Variants in PPP1R9A observed in about 807,000 individuals in gnomAD.
PPP1R9A encodes neurabin-1.
A neutral mutation model predicts 141.9 loss-of-function variants in PPP1R9A; 59 were observed. The ratio of observed to expected loss-of-function variants is 0.42; its 90% confidence interval spans 0.34 to 0.52. The LOEUF (loss-of-function observed/expected upper bound fraction) is 0.52, where lower values mean the gene tolerates loss of function less well. Among genes scored for constraint, PPP1R9A ranks in the 20% least tolerant of loss-of-function variants. The probability of loss-of-function intolerance (pLI) is 0.10; values close to 1 mark genes in which losing one functional copy is unlikely to be tolerated. For synonymous variants in PPP1R9A, 500 were observed against 569.7 expected, an observed-to-expected ratio of 0.88 and a Z score of 1.74; for missense variants, 1,444 against 1,611.9, an observed-to-expected ratio of 0.90 and a Z score of 1.78.
chr7:95,054,628 G>A (rs1811265919), intron 2 of PPP1R9A, among the ~76,000 whole-genome samples: 1 of 151,962 alleles, frequency 6.6e-6, no homozygotes. Flanking sequence ...ATGCGTCCTG[G>A]CTCCCTGGTC....
At chr7:95,092,345 G>A (rs549357227) in intron 2 of PPP1R9A, among the ~76,000 whole-genome samples, 3 of 109,950 alleles carry the variant, frequency 2.7e-5, no homozygotes, top group East Asian at 2.0e-4. Context: ...TATACTACAC[G>A]CTTTTTTTTT....
At chr7:94,970,519 A>G (rs1266978897) in intron 2 of PPP1R9A, among the ~76,000 whole-genome samples, 1 of 152,046 alleles carries the variant, frequency 6.6e-6, no homozygotes, top group Non-Finnish European at 1.5e-5. Context: ...ACCAGTCCCA[A>G]TGAGATGAGC....
chr7:95,116,400 C>T (rs1821524615), intron 3 of PPP1R9A, among the ~76,000 whole-genome samples: 2 of 151,694 alleles, frequency 1.3e-5, no homozygotes, highest in Admixed American at 1.3e-4. Flanking sequence ...AGGTTACATT[C>T]AAGATATGTA....
chr7:94,980,886 A>G (rs1044661843), intron 2 of PPP1R9A, among the ~76,000 whole-genome samples: 1 of 152,164 alleles, frequency 6.6e-6, no homozygotes, highest in Non-Finnish European at 1.5e-5. Context: ...AGAGTCATAT[A>G]TTTGTATAAC....
intron 4 of PPP1R9A, among the ~76,000 whole-genome samples, chr7:95,132,746 C>T (rs1355086217): frequency 6.6e-6 from 1 of 152,136 alleles, no homozygotes; most frequent in Non-Finnish European, 1.5e-5. Flanking sequence ...GCTGCACCCG[C>T]CACAGGATCC....
chr7:95,273,980 A>G lies in PPP1R9A; in HGVS notation c.3206A>G (p.Asp1069Gly), dbSNP rs760564657. The G allele has an allele frequency of 2.7e-6, 4 of 1,504,132 alleles. No homozygotes were observed. Among genetic ancestry groups the G allele is most frequent in the African/African-American group, 2.8e-5 (2 of 72,714 alleles). 93.2% of individuals were successfully genotyped at this position (1,504,132 alleles called of 1,614,324 possible). A position where few individuals can be genotyped will look rare whatever the true frequency, so the allele number is the denominator to read the frequency against. ...GGAAAAATTAAGCGGAAGTTTGTGGATCTGGGGTAAGCACTTCACGATGTA... is the reference window on the plus strand; with the variant it reads ...GGAAAAATTAAGCGGAAGTTTGTGGGTCTGGGGTAAGCACTTCACGATGTA... ...QGGKIKRKFV[D>G]LGAPLRRNSS... The change falls in exon 15 of 20, where the codon GAT becomes GGT. Residue 1069 changes from aspartate (D) to glycine (G), a missense_variant. Asp to Gly is a moderately conservative substitution (Grantham distance 94, BLOSUM62 -1). This residue lies in a region of PPP1R9A where 459 missense variants were observed against 513.8 expected (regional missense o/e 0.89). Coordinates refer to ENST00000433360, the MANE Select transcript of PPP1R9A (RefSeq NM_001166160.2).
intron 2 of PPP1R9A, among the ~76,000 whole-genome samples, chr7:94,939,908 T>C (rs1795156996): frequency 1.3e-5 from 2 of 151,884 alleles, no homozygotes; most frequent in South Asian, 4.1e-4. Flanking sequence ...ACACACTATC[T>C]CTTCATTCCT....
At chr7:95,211,455 C>A (rs1392011623) in intron 7 of PPP1R9A, among the ~76,000 whole-genome samples, 1 of 152,164 alleles carries the variant, frequency 6.6e-6, no homozygotes, top group East Asian at 1.9e-4. Flanking sequence ...TATTGGTTCA[C>A]TGATAGTTCT....
chr7:94,924,138 A>G (rs147228059), intron 2 of PPP1R9A, among the ~76,000 whole-genome samples: 316 of 152,352 alleles, frequency 2.1e-3, no homozygotes, highest in African/African-American at 7.4e-3. Flanking sequence ...ACTCTTTTCT[A>G]TAAAATGGTT....
chr7:95,219,102 G>A (rs985021280), intron 7 of PPP1R9A, among the ~76,000 whole-genome samples: 2 of 152,138 alleles, frequency 1.3e-5, no homozygotes, highest in African/African-American at 4.8e-5. Flanking sequence ...TGCAGTGGGT[G>A]GTACTGGTTG....
At chr7:95,114,162 C>T (rs886546973) in intron 3 of PPP1R9A, among the ~76,000 whole-genome samples, 10 of 151,986 alleles carry the variant, frequency 6.6e-5, no homozygotes, top group African/African-American at 2.4e-4. Flanking sequence ...CATATCTAGG[C>T]AATAAAATAT....
chr7:94,930,151 A>G (rs143657379), intron 2 of PPP1R9A, among the ~76,000 whole-genome samples: 1 of 152,258 alleles, frequency 6.6e-6, no homozygotes, highest in East Asian at 1.9e-4. Context: ...ATCCAGGTAT[A>G]TATGTCATTG....
Position 94,983,670 on chromosome 7 carries a change from A to G in PPP1R9A, c.1395+72162A>G, listed in dbSNP as rs182064068. On this transcript the variant is annotated intron_variant, in intron 2 of 19. Coordinates refer to ENST00000433360, the MANE Select transcript of PPP1R9A (RefSeq NM_001166160.2). ...GTATAAGAATGCTTGTGATTTTTGC[A>G]CATTGATTTTGTATCCTGCGACTTT... 3.6e-3 allele frequency among the ~76,000 whole-genome samples: 555 copies of G among 152,260 alleles called. 3 individuals are homozygous for G. Among genetic ancestry groups the G allele is most frequent in the African/African-American group, 0.013 (520 of 41,534 alleles).
At chr7:95,031,041 C>T (rs1352289996) in intron 2 of PPP1R9A, among the ~76,000 whole-genome samples, 1 of 152,148 alleles carries the variant, frequency 6.6e-6, no homozygotes, top group African/African-American at 2.4e-5. Flanking sequence ...CTCTATTAAA[C>T]AGCAGCTGAT....
At chr7:95,120,080 C>T (rs1478700914) in intron 3 of PPP1R9A, among the ~76,000 whole-genome samples, 1 of 151,530 alleles carries the variant, frequency 6.6e-6, no homozygotes, top group Admixed American at 6.6e-5. Context: ...CCTCAACCTC[C>T]CAAGTAGCTG....
chr7:95,077,754 G>A (rs149949167), intron 2 of PPP1R9A, among the ~76,000 whole-genome samples: 20 of 152,238 alleles, frequency 1.3e-4, no homozygotes, highest in African/African-American at 2.9e-4. Flanking sequence ...AGCTAAAAAC[G>A]AAGAAAGGTT....
At chr7:94,956,785 T>C (rs963218010) in intron 2 of PPP1R9A, among the ~76,000 whole-genome samples, 2 of 152,116 alleles carry the variant, frequency 1.3e-5, no homozygotes, top group African/African-American at 4.8e-5. Flanking sequence ...ATTTCACAGT[T>C]ACTGGCTCAG....
At chr7:95,259,670 T>A (rs1010488187) in intron 12 of PPP1R9A, among the ~76,000 whole-genome samples, 7 of 152,160 alleles carry the variant, frequency 4.6e-5, no homozygotes, top group African/African-American at 1.7e-4. Context: ...TTAAGCATTC[T>A]CTTTTAGCAT....
chr7:94,993,899 A>AT (rs1456685512), intron 2 of PPP1R9A, among the ~76,000 whole-genome samples: 3 of 152,144 alleles, frequency 2.0e-5, no homozygotes, highest in Non-Finnish European at 4.4e-5. Context: ...TGAATGTTGG[A>AT]TAAAAATGGT....
Sources: gnomAD v4.1 joint callset for allele counts (sites outside exome capture counted in the v4.1 genomes callset) on GRCh38, gnomAD v4.1.1 for gene constraint, gnomAD v4.1.1 regional missense constraint, MANE v1.5 for transcripts, NCBI Gene and HGNC (gene_info 2026-07-23, HGNC 2026-07-21) for gene names.